The following ZNF253 variants were observed in gnomAD, a reference collection of about 807,000 sequenced individuals.
The protein encoded by ZNF253 is DNA-binding protein.
A neutral mutation model predicts 11.9 loss-of-function variants in ZNF253; 8 were observed. The observed-to-expected ratio is 0.67, with a 90% CI of 0.40 to 1.22. ZNF253 has a LOEUF of 1.22. Among genes scored for constraint, ZNF253 ranks in the 50% most tolerant of loss-of-function variants. The probability of loss-of-function intolerance (pLI) is 0.01; values close to 1 mark genes in which losing one functional copy is unlikely to be tolerated. For synonymous variants in ZNF253, 194 were observed against 194.9 expected (o/e 1.00, Z 0.04); for missense variants, 485 against 586.9 (o/e 0.83, Z 1.79).
At position 19,866,083 on chromosome 19, in the gene ZNF253, C is replaced by G. The variant is rs2063109752; in HGVS notation, c.3+84C>G. On this transcript the variant is annotated intron_variant, in intron 1 of 3. Coordinates refer to ENST00000589717, the MANE Select transcript of ZNF253 (RefSeq NM_021047.3). ...TGGCTCTGGCGGGACTCTGCTTCCT[C>G]ACAGTCAGCTCCACAATCTGCCGCC... 6.4e-6 allele frequency: 10 copies of G among 1,572,382 alleles called. No homozygotes were observed. The South Asian group carries it at 1.1e-4, about 18-fold the overall frequency.
At chr19:19,879,935 T>G (rs1308516275) in intron 2 of ZNF253, 116 bp from the exon 3 acceptor site, 7 of 415,242 alleles carry the variant, frequency 1.7e-5, no homozygotes, top group Non-Finnish European at 2.8e-5. Context: ...TTATAAATTA[T>G]TATTTTGGTA....
intron 1 of ZNF253, among the ~76,000 whole-genome samples, chr19:19,876,792 A>G: frequency 6.6e-6 from 1 of 151,974 alleles, no homozygotes; most frequent in Non-Finnish European, 1.5e-5. Flanking sequence ...AGTACTCACA[A>G]ACTTTTACTT....
At chr19:19,889,669 G>A (rs1406104672) in intron 3 of ZNF253, among the ~76,000 whole-genome samples, 1 of 151,314 alleles carries the variant, frequency 6.6e-6, no homozygotes, top group Non-Finnish European at 1.5e-5. Flanking sequence ...TTTTGAGACA[G>A]GCTTGCTCTG....
chr19:19,873,293 T>C (rs548558169), intron 1 of ZNF253, among the ~76,000 whole-genome samples: 1 of 152,312 alleles, frequency 6.6e-6, no homozygotes, highest in South Asian at 2.1e-4. Context: ...GTTCTTTCTC[T>C]TACCCAAAGA....
Position 19,878,517 on chromosome 19 carries a change from T to G in ZNF253, c.40T>G (p.Ser14Ala), listed in dbSNP as rs898583222. The G allele has an allele frequency of 6.2e-7, 1 of 1,613,976 alleles. No individual in the cohort carries two copies. Among genetic ancestry groups the G allele is most frequent in the African/African-American group, 1.3e-5 (1 of 74,918 alleles). Residue 14 changes from serine to alanine, a missense_variant, in exon 2 of 4, where the codon TCT becomes GCT. Physicochemically the swap from Ser to Ala is moderately conservative, Grantham distance 99. This residue lies in a region of ZNF253 where 35 missense variants were observed against 52.4 expected (regional missense o/e 0.67). Coordinates refer to ENST00000589717, the MANE Select transcript of ZNF253 (RefSeq NM_021047.3). ...LQFRDVAIEF[S>A]LEEWHCLDTA... ...ATTTAGAGATGTGGCCATAGAATTCTCTCTGGAGGAGTGGCATTGCCTGGA... is the reference window on the plus strand; with the variant it reads ...ATTTAGAGATGTGGCCATAGAATTCGCTCTGGAGGAGTGGCATTGCCTGGA...
At chr19:19,890,253 A>G (rs915940568) in intron 3 of ZNF253, among the ~76,000 whole-genome samples, 4 of 152,156 alleles carry the variant, frequency 2.6e-5, no homozygotes, top group Non-Finnish European at 4.4e-5. Flanking sequence ...TTTCTTCCTA[A>G]TAATCAGTAA....
In ZNF253 at chr19:19,892,212, A is replaced by G; in HGVS notation, c.965A>G (p.Lys322Arg). 6.2e-7 allele frequency: 1 copy of G among 1,613,500 alleles called. No homozygotes were observed. Among genetic ancestry groups the G allele is most frequent in the Non-Finnish European group, 8.5e-7 (1 of 1,179,828 alleles). The change falls in exon 4 of 4, where the codon AAG (lysine) becomes AGG (arginine). Residue 322 changes from lysine (K) to arginine (R), a missense_variant. Transcript: ENST00000589717. ...TGTGAAGAATGTGGCAAATCCTTTA[A>G]GCACTGCTCTAACCTTACTATACAT... The part of the protein sequence containing the change: ...YNCEECGKSF[K>R]HCSNLTIHKR...
At chr19:19,866,133 C>G in intron 1 of ZNF253, 134 bp downstream of exon 1, 1 of 1,185,428 alleles carries the variant, frequency 8.4e-7, no homozygotes. Flanking sequence ...CCAGCTCGGC[C>G]TCAGTCCCCT....
At chr19:19,887,485 G>A (rs1302140228) in intron 3 of ZNF253, among the ~76,000 whole-genome samples, 1 of 151,876 alleles carries the variant, frequency 6.6e-6, no homozygotes. Flanking sequence ...TTTTACTAGT[G>A]ACAGGGTTCC....
At chr19:19,886,079 G>A (rs375954065) in intron 3 of ZNF253, among the ~76,000 whole-genome samples, 29 of 152,290 alleles carry the variant, frequency 1.9e-4, no homozygotes, top group African/African-American at 7.0e-4. Context: ...TGTAGCCTCA[G>A]TCTCCTGGGC....
rs2063244771 is a variant in ZNF253 at position 19,894,080 on chromosome 19, T to C, written c.*1333T>C. ...TATGTAAATATCAGAGAATTTTCCA[T>C]AGAATAATTAAGGCACTGACACTTC... On this transcript the variant is annotated 3_prime_UTR_variant, in exon 4 of 4. Coordinates refer to ENST00000589717, the MANE Select transcript of ZNF253 (RefSeq NM_021047.3). 1 of 152,244 alleles carries C rather than the reference T, an allele frequency of 6.6e-6. No homozygotes were observed. The highest frequency in any genetic ancestry group is 2.4e-5 in the African/African-American group (1 of 41,466). The allele number at this position is 152,244 out of a possible 1,614,324, so 9.4% of individuals were successfully genotyped here. A position where few individuals can be genotyped will look rare whatever the true frequency, so the allele number is the denominator to read the frequency against.
intron 1 of ZNF253, among the ~76,000 whole-genome samples, chr19:19,877,119 A>G (rs1010869002): frequency 6.6e-6 from 1 of 152,208 alleles, no homozygotes. Context: ...CATTAGCTCT[A>G]TGCAGAATAG....
rs199507420 is a variant in ZNF253 at position 19,891,603 on chromosome 19, T to C, written c.356T>C (p.Val119Ala). The C allele has an allele frequency of 6.2e-7, 1 of 1,614,102 alleles. No homozygotes were observed. The highest frequency in any genetic ancestry group is 2.2e-5 in the East Asian group (1 of 44,866). ...NLQLKKGCKS[V>A]GEHKVHKGGY... ...CAGTTAAAAAAAGGCTGTAAAAGCG[T>C]GGGTGAGCATAAGGTGCACAAAGGA... The change falls in exon 4 of 4, where the codon GTG becomes GCG. Residue 119 changes from valine (V) to alanine (A), a missense_variant. Around this residue, in one of 3 missense-constraint regions of ZNF253, gnomAD observed 218 missense variants for 213.1 expected, o/e 1.02. Coordinates refer to ENST00000589717, the MANE Select transcript of ZNF253 (RefSeq NM_021047.3).
At chr19:19,888,086 C>T (rs539625992) in intron 3 of ZNF253, among the ~76,000 whole-genome samples, 4 of 151,868 alleles carry the variant, frequency 2.6e-5, no homozygotes, top group South Asian at 4.2e-4. Context: ...TATTTTGAGA[C>T]GGAATCTTGG....
intron 3 of ZNF253, among the ~76,000 whole-genome samples, chr19:19,885,357 CCTTTCTTTT>C (rs557501955): frequency 0.028 from 820 of 29,642 alleles, 73 homozygotes; most frequent in Admixed American, 0.059. Context: ...TTTCTTTCTT[CCTTTCTTTT>C]CTTTCTTTTC....
intron 2 of ZNF253, among the ~76,000 whole-genome samples, chr19:19,879,401 T>A (rs1051841606): frequency 6.6e-5 from 10 of 152,198 alleles, no homozygotes; most frequent in African/African-American, 1.7e-4. Flanking sequence ...TCATTGTTTA[T>A]TAATAAAGTA....
rs1051590819 is a variant in ZNF253 at position 19,884,810 on chromosome 19, A to G, written c.226+4664A>G. 7.9e-5 allele frequency among the ~76,000 whole-genome samples: 12 copies of G among 152,126 alleles called. No individual in the cohort carries two copies. The East Asian group carries it at 1.7e-3, about 22-fold the overall frequency. Reference sequence around the variant, plus strand: ...CATCATCAACAGATTTGGTGTATCAAAAAAAAATTATAGTGGCCATTCTAA... The same window carrying G: ...CATCATCAACAGATTTGGTGTATCAGAAAAAAATTATAGTGGCCATTCTAA... On this transcript the variant is annotated intron_variant, in intron 3 of 3. Coordinates refer to ENST00000589717, the MANE Select transcript of ZNF253 (RefSeq NM_021047.3).
intron 3 of ZNF253, among the ~76,000 whole-genome samples, chr19:19,889,412 T>A (rs547522041): frequency 1.4e-4 from 21 of 152,254 alleles, no homozygotes; most frequent in African/African-American, 4.8e-4. Context: ...AGTGGCATGA[T>A]CTTGGCTCAC....
rs1227687823 is a variant in ZNF253 at position 19,893,887 on chromosome 19, T to G, written c.*1140T>G. 1 of 152,220 alleles carries G rather than the reference T, an allele frequency of 6.6e-6. No homozygotes were observed. The highest frequency in any genetic ancestry group is 1.5e-5 in the Non-Finnish European group (1 of 68,040). The allele number at this position is 152,220 out of a possible 1,614,324, so 9.4% of individuals were successfully genotyped here. On this transcript the variant is annotated 3_prime_UTR_variant, in exon 4 of 4. Transcript: ENST00000589717. ...CCTGAAGCAGTTGCTCAAGCTTTGTTTCAGGGAATCAAGGGAATTTATATT... is the reference window on the plus strand; with the variant it reads ...CCTGAAGCAGTTGCTCAAGCTTTGTGTCAGGGAATCAAGGGAATTTATATT...
Sources: gnomAD v4.1 joint callset for allele counts (sites outside exome capture counted in the v4.1 genomes callset) on GRCh38, gnomAD v4.1.1 for gene constraint, gnomAD v4.1.1 regional missense constraint, MANE v1.5 for transcripts, NCBI Gene and HGNC (gene_info 2026-07-23, HGNC 2026-07-21) for gene names.